The following ADGRG3 variants were observed in gnomAD, a reference collection of about 807,000 sequenced individuals.
ADGRG3 encodes the protein adhesion G protein-coupled receptor G3.
ADGRG3 carries 39 observed loss-of-function variants against 54.3 expected under a neutral mutation model. That is an observed-to-expected ratio of 0.72 (90% CI 0.56 to 0.94). The LOEUF (loss-of-function observed/expected upper bound fraction) is 0.94. ADGRG3 is among the 40% of genes least tolerant of loss of function. ADGRG3 has a pLI of 0.00. For synonymous variants in ADGRG3, 312 were observed against 290.0 expected (o/e 1.08, Z -0.77); for missense variants, 654 against 694.6 (o/e 0.94, Z 0.66).
At chr16:57,672,696 C>T (rs2048184289) in intron 1 of ADGRG3, among the ~76,000 whole-genome samples, 1 of 152,168 alleles carries the variant, frequency 6.6e-6, no homozygotes, top group South Asian at 2.1e-4. Flanking sequence ...AAAAGCTGGT[C>T]TTTAGTCCTG....
chr16:57,688,331 G>A (rs746846167), intron 11 of ADGRG3, 21 bp from the exon 12 acceptor site: 19 of 1,509,836 alleles, frequency 1.3e-5, no homozygotes, highest in African/African-American at 6.9e-5. Flanking sequence ...CAGGCTCACC[G>A]AGGCCTCTCC....
chr16:57,672,817 T>C (rs749204907), intron 1 of ADGRG3, among the ~76,000 whole-genome samples: 4 of 152,214 alleles, frequency 2.6e-5, no homozygotes, highest in Non-Finnish European at 4.4e-5. Context: ...TTGTGTGTGC[T>C]TCTTAGCACA....
In ADGRG3 at chr16:57,688,470, G is replaced by A. The variant is rs371557182; in HGVS notation, c.*9G>A. On this transcript the variant is annotated 3_prime_UTR_variant, in exon 12 of 12. Coordinates refer to ENST00000333493, the MANE Select transcript of ADGRG3 (RefSeq NM_170776.5). ...CCGCATCTCAAGAATAGGAAGGCAC[G>A]GCCCTGCAATATGGACTCAGCTCTG... 1.1e-4 allele frequency: 161 copies of A among 1,507,464 alleles called. No individual in the cohort carries two copies. The highest frequency in any genetic ancestry group is 8.5e-4 in the Middle Eastern group (5 of 5,852). The allele number at this position is 1,507,464 out of a possible 1,614,324, so 93.4% of individuals were successfully genotyped here.
chr16:57,673,439 C>T lies in ADGRG3; in HGVS notation c.177C>T (p.Ser59=), dbSNP rs753277646. Residue 59 remains serine (S), a synonymous_variant, in exon 2 of 12, where the codon AGC becomes AGT. Coordinates refer to ENST00000333493, the MANE Select transcript of ADGRG3 (RefSeq NM_170776.5). ...TCACCAAGTGCAGGCAGTCGGGCAG[C>T]GACTCCTGCAATGTGGAAAACTTGC... ...LCFTKCRQSG[S]DSCNVENLQR... is the part of the protein sequence containing the mutation. 1.9e-5 allele frequency: 30 copies of T among 1,610,876 alleles called. No individual in the cohort carries two copies. Among genetic ancestry groups the T allele is most frequent in the East Asian group, 4.5e-5 (2 of 44,798 alleles).
At chr16:57,672,732 C>T (rs1289212021) in intron 1 of ADGRG3, among the ~76,000 whole-genome samples, 1 of 152,150 alleles carries the variant, frequency 6.6e-6, no homozygotes, top group Non-Finnish European at 1.5e-5. Flanking sequence ...AGCTAGTAAC[C>T]TTTCTCAAGT....
At chr16:57,672,145 A>C (rs1367909107) in intron 1 of ADGRG3, among the ~76,000 whole-genome samples, 1 of 152,048 alleles carries the variant, frequency 6.6e-6, no homozygotes, top group Non-Finnish European at 1.5e-5. Flanking sequence ...ATGCTACTGC[A>C]CTCCAGCCTG....
chr16:57,687,634 T>C (rs1359873245), intron 11 of ADGRG3, among the ~76,000 whole-genome samples: 1 of 152,196 alleles, frequency 6.6e-6, no homozygotes, highest in African/African-American at 2.4e-5. Context: ...TTAATAATCA[T>C]AGAAATTATG....
rs780467435 is a variant in ADGRG3, at chr16:57,676,455, G to A, written c.345+117G>A. 682 of 928,786 alleles carry A rather than the reference G, an allele frequency of 7.3e-4. 8 individuals carry two copies. Among genetic ancestry groups the A allele is most frequent in the Non-Finnish European group, 1.6e-4 (100 of 621,794 alleles). 57.5% of individuals were successfully genotyped at this position (928,786 alleles called of 1,614,324 possible). ...TAACTAGGGCTTGTCCCTCCCCCACGTCCCAATTGGCAGAGCTGCGTCTGT... is the reference window on the plus strand; with the variant it reads ...TAACTAGGGCTTGTCCCTCCCCCACATCCCAATTGGCAGAGCTGCGTCTGT... On this transcript the variant is annotated intron_variant, in intron 3 of 11. Coordinates refer to ENST00000333493, the MANE Select transcript of ADGRG3 (RefSeq NM_170776.5).
rs777644898 is a variant in ADGRG3, at chr16:57,680,509, C to T, written c.773C>T (p.Pro258Leu). ...CGGTTCTGGGGTCACCCACAGAGAC[C>T]CACCTTGGACCAGTCCACGGTGCAT... ...HLTFFALLLRPTLDQSTVHIL... is the reference protein window; with the variant it reads ...HLTFFALLLRLTLDQSTVHIL... The change falls in exon 8 of 12, where the codon CCC becomes CTC. Residue 258 changes from proline to leucine, a missense_variant. Physicochemically the swap from Pro to Leu is moderately conservative, Grantham distance 98. Coordinates refer to ENST00000333493, the MANE Select transcript of ADGRG3 (RefSeq NM_170776.5). The T allele has an allele frequency of 4.3e-6, 7 of 1,612,936 alleles. No homozygotes were observed. The highest frequency in any genetic ancestry group is 4.0e-5 in the African/African-American group (3 of 74,844).
At chr16:57,680,418 G>T (rs1367016796) in intron 7 of ADGRG3, 53 bp downstream of exon 7, 1 of 1,567,546 alleles carries the variant, frequency 6.4e-7, no homozygotes, top group African/African-American at 1.4e-5. Context: ...TCCAGCTCCT[G>T]CCCTGGGGAG....
chr16:57,666,950 G>T (rs1199343528), upstream of ADGRG3, among the ~76,000 whole-genome samples: 1 of 152,242 alleles, frequency 6.6e-6, no homozygotes, highest in Non-Finnish European at 1.5e-5. Flanking sequence ...CTCACCTGCA[G>T]CTGGGAGGGA....
intron 6 of ADGRG3, 126 bp downstream of exon 6, chr16:57,679,981 C>T: frequency 3.1e-6 from 2 of 649,112 alleles, no homozygotes; most frequent in South Asian, 3.0e-5. Flanking sequence ...CTCCCCTCCT[C>T]TTTGCTCCCT....
intron 2 of ADGRG3, among the ~76,000 whole-genome samples, chr16:57,675,979 AT>A (rs1379331494): frequency 6.6e-6 from 1 of 152,238 alleles, no homozygotes; most frequent in African/African-American, 2.4e-5. Context: ...ACTTTACCAT[AT>A]GCACAAAAAA....
rs747256331 is a variant in ADGRG3 at position 57,685,925 on chromosome 16, A to G, written c.1539A>G (p.Gln513=). ...TCTTTGCACTTTTCAACTCCTTGCA[A>G]GGTGAGGCCCCTGCACCAGGGAGGT... ...VYIFALFNSL[Q]GVFICCWFTI... is the part of the protein sequence containing the mutation. The change falls in exon 11 of 12, where the codon CAA becomes CAG. Residue 513 remains glutamine (Q), a splice_region_variant and synonymous_variant. Coordinates refer to ENST00000333493, the MANE Select transcript of ADGRG3 (RefSeq NM_170776.5). 1 of 1,613,230 alleles carries G rather than the reference A, an allele frequency of 6.2e-7. No individual in the cohort carries two copies. The highest frequency in any genetic ancestry group is 1.1e-5 in the South Asian group (1 of 91,074).
At chr16:57,678,536 C>G (rs528468887) in intron 4 of ADGRG3, 13 of 576,706 alleles carry the variant, frequency 2.3e-5, no homozygotes, top group Non-Finnish European at 3.4e-5. Context: ...ATGTTTGACC[C>G]CCACACATGA....
At chr16:57,669,905 G>T (rs2048123017) in intron 1 of ADGRG3, among the ~76,000 whole-genome samples, 1 of 152,178 alleles carries the variant, frequency 6.6e-6, no homozygotes, top group Non-Finnish European at 1.5e-5. Flanking sequence ...AAAGGTGCGG[G>T]CAGGGCACGG....
intron 4 of ADGRG3, chr16:57,678,965 C>T (rs2048313915): frequency 1.7e-6 from 1 of 596,382 alleles, no homozygotes; most frequent in South Asian, 2.0e-5. Flanking sequence ...CACAGCTTTG[C>T]AGCCAGTTGA....
chr16:57,682,553 G>A, intron 8 of ADGRG3: 1 of 985,444 alleles, frequency 1.0e-6, no homozygotes, highest in Non-Finnish European at 1.2e-6. Flanking sequence ...CGCATTGCTG[G>A]ACCCTGTGAG....
intron 8 of ADGRG3, among the ~76,000 whole-genome samples, chr16:57,680,875 AG>A (rs1316422974): frequency 6.6e-6 from 1 of 152,226 alleles, no homozygotes; most frequent in Admixed American, 6.5e-5. Flanking sequence ...AATAGCAAAT[AG>A]GGTTCATGTA....
Sources: allele counts gnomAD v4.1 joint callset (sites outside exome capture counted in the v4.1 genomes callset), GRCh38; gene constraint gnomAD v4.1.1; transcripts MANE v1.5; gene names NCBI Gene and HGNC (gene_info 2026-07-23, HGNC 2026-07-21).